TAFA1: variants seen among roughly 807,000 people sequenced by gnomAD.
TAFA1 encodes the protein TAFA chemokine like family member 1.
In TAFA1, 4 loss-of-function variants were observed where a neutral mutation model predicts 18.5. That is an observed-to-expected ratio of 0.22 (90% CI 0.11 to 0.49). The LOEUF is 0.49. Among genes scored for constraint, TAFA1 ranks in the 20% least tolerant of loss-of-function variants. TAFA1 has a pLI of 0.98. For missense variants in TAFA1, 147 were observed against 169.0 expected (o/e 0.87, Z 0.72); for synonymous variants, 56 against 55.2 (o/e 1.01, Z -0.06).
chr3:68,111,780 A>AGAGAGAGAG (rs377007942), intron 2 of TAFA1, among the ~76,000 whole-genome samples: 20 of 145,938 alleles, frequency 1.4e-4, no homozygotes, highest in Admixed American at 8.1e-4. Context: ...ACACATGAGA[A>AGAGAGAGAG]AGAGAGAGAG....
intron 2 of TAFA1, among the ~76,000 whole-genome samples, chr3:68,136,484 C>A (rs951833722): frequency 6.6e-6 from 1 of 152,154 alleles, no homozygotes; most frequent in Non-Finnish European, 1.5e-5. Context: ...TATGATCGCT[C>A]TGGGGCCGCT....
chr3:68,372,752 G>C (rs944771210), intron 2 of TAFA1, among the ~76,000 whole-genome samples: 4 of 151,768 alleles, frequency 2.6e-5, no homozygotes, highest in African/African-American at 9.7e-5. Flanking sequence ...TGAAATAGCA[G>C]AATCAATCAG....
chr3:68,124,298 A>T (rs1220977662), intron 2 of TAFA1, among the ~76,000 whole-genome samples: 1 of 152,144 alleles, frequency 6.6e-6, no homozygotes, highest in East Asian at 1.9e-4. Flanking sequence ...TTAGCAGTTG[A>T]TGCAGCTTTT....
intron 3 of TAFA1, among the ~76,000 whole-genome samples, chr3:68,460,804 G>C (rs923488972): frequency 6.6e-6 from 1 of 152,204 alleles, no homozygotes; most frequent in African/African-American, 2.4e-5. Flanking sequence ...CAAGTTCCCA[G>C]GTGATGCTGA....
chr3:68,426,373 C>T (rs1575855979), intron 3 of TAFA1, among the ~76,000 whole-genome samples: 1 of 151,542 alleles, frequency 6.6e-6, no homozygotes, highest in Non-Finnish European at 1.5e-5. Flanking sequence ...TACATGCAGG[C>T]CTACAGGTAT....
At position 68,161,022 on chromosome 3, in the gene TAFA1, A is replaced by C. The variant is rs117461700; in HGVS notation, c.118+154278A>C. Among the ~76,000 whole-genome samples the C allele has an allele frequency of 1.0e-3, 154 of 152,328 alleles. 2 individuals carry two copies. The East Asian group carries it at 0.027, about 27-fold the overall frequency. On this transcript the variant is annotated intron_variant, in intron 2 of 4. Coordinates refer to ENST00000478136, the MANE Select transcript of TAFA1 (RefSeq NM_213609.4). The stretch of plus-strand genomic sequence containing the variant: ...CCATTTAGATCCACATCTTAAAAGA[A>C]ATCAGGACCATGCCTTTAATTGCTT...
intron 3 of TAFA1, among the ~76,000 whole-genome samples, chr3:68,462,752 G>A (rs987614600): frequency 2.0e-5 from 3 of 152,022 alleles, no homozygotes; most frequent in African/African-American, 2.4e-5. Flanking sequence ...TATGTTACGT[G>A]GAATTATCTC....
chr3:68,012,178 T>C (rs1704485908), intron 2 of TAFA1, among the ~76,000 whole-genome samples: 1 of 152,220 alleles, frequency 6.6e-6, no homozygotes, highest in Non-Finnish European at 1.5e-5. Flanking sequence ...CCATTTTTGA[T>C]AACAATTTAG....
the TAFA1 span, among the ~76,000 whole-genome samples, chr3:67,997,042 A>T: frequency 8.5e-5 from 13 of 152,090 alleles, no homozygotes; most frequent in African/African-American, 3.1e-4. Context: ...GACATCAAGA[A>T]CCTAATCTGG....
At chr3:68,336,842 G>C (rs571860400) in intron 2 of TAFA1, among the ~76,000 whole-genome samples, 7 of 152,262 alleles carry the variant, frequency 4.6e-5, no homozygotes, top group African/African-American at 1.4e-4. Flanking sequence ...TCCTGCCTCA[G>C]CCTCCCAAAT....
At chr3:68,135,056 A>T (rs1286341906) in intron 2 of TAFA1, among the ~76,000 whole-genome samples, 2 of 152,206 alleles carry the variant, frequency 1.3e-5, no homozygotes, top group Non-Finnish European at 2.9e-5. Context: ...TTTTTCAGCC[A>T]TTAGTGGCTA....
chr3:68,344,406 A>T (rs1276442575), intron 2 of TAFA1, among the ~76,000 whole-genome samples: 1 of 152,210 alleles, frequency 6.6e-6, no homozygotes, highest in Admixed American at 6.5e-5. Context: ...GAAGTAAATT[A>T]TGAACCCAAG....
chr3:68,369,830 C>T (rs2069644958), intron 2 of TAFA1, among the ~76,000 whole-genome samples: 1 of 152,040 alleles, frequency 6.6e-6, no homozygotes. Context: ...AACCAGATTC[C>T]CTCTCAAAAT....
chr3:68,271,677 G>T (rs932317540), intron 2 of TAFA1, among the ~76,000 whole-genome samples: 1 of 151,986 alleles, frequency 6.6e-6, no homozygotes, highest in Non-Finnish European at 1.5e-5. Flanking sequence ...TGTTTGTGTC[G>T]AATACCCCAC....
chr3:68,069,724 T>C (rs747612553), intron 2 of TAFA1, among the ~76,000 whole-genome samples: 15 of 152,228 alleles, frequency 9.9e-5, no homozygotes, highest in Non-Finnish European at 2.2e-4. Flanking sequence ...ACAATGAGGT[T>C]GTAGGCATTG....
At chr3:68,201,907 A>G (rs1364492356) in intron 2 of TAFA1, among the ~76,000 whole-genome samples, 2 of 151,664 alleles carry the variant, frequency 1.3e-5, no homozygotes, top group Non-Finnish European at 3.0e-5. Flanking sequence ...GCTGACACAT[A>G]GGAAGAGGCA....
At chr3:68,170,010 C>A (rs925989291) in intron 2 of TAFA1, among the ~76,000 whole-genome samples, 1 of 152,166 alleles carries the variant, frequency 6.6e-6, no homozygotes, top group Non-Finnish European at 1.5e-5. Context: ...AGAACACTTG[C>A]AAAAGTCCTC....
chr3:68,060,184 C>CTGTG (rs1007217157), intron 2 of TAFA1, among the ~76,000 whole-genome samples: 2 of 143,888 alleles, frequency 1.4e-5, no homozygotes, highest in African/African-American at 2.5e-5. Context: ...ACCATTGCAA[C>CTGTG]TGTGTGTGTG....
intron 2 of TAFA1, among the ~76,000 whole-genome samples, chr3:68,333,825 C>T (rs771521775): frequency 5.3e-5 from 8 of 152,090 alleles, no homozygotes; most frequent in Non-Finnish European, 1.2e-4. Context: ...TTCAGCCTTA[C>T]AAAAGAAGGA....
Sources: gnomAD v4.1 joint callset for allele counts (sites outside exome capture counted in the v4.1 genomes callset) on GRCh38, gnomAD v4.1.1 for gene constraint, MANE v1.5 for transcripts, NCBI Gene and HGNC (gene_info 2026-07-23, HGNC 2026-07-21) for gene names.